ENTREP2: variants seen among roughly 807,000 people sequenced by gnomAD.
The protein encoded by ENTREP2 is endosomal transmembrane epsin interactor 2.
At chr15:29,236,645 T>A in the ENTREP2 span, among the ~76,000 whole-genome samples, 2 of 152,118 alleles carry the variant, frequency 1.3e-5, no homozygotes, top group Non-Finnish European at 2.9e-5. Context: ...CAAGATCCTG[T>A]CTCAAAAATT....
the ENTREP2 span, among the ~76,000 whole-genome samples, chr15:29,599,878 C>G: frequency 6.6e-6 from 1 of 152,364 alleles, no homozygotes; most frequent in East Asian, 1.9e-4. Flanking sequence ...GAGCAGCAGC[C>G]CTGCCCTTTA....
chr15:29,441,535 T>C, the ENTREP2 span, among the ~76,000 whole-genome samples: 2 of 152,200 alleles, frequency 1.3e-5, no homozygotes, highest in Admixed American at 6.5e-5. Flanking sequence ...TCTGCAATTG[T>C]TGAGGGACAG....
the ENTREP2 span, among the ~76,000 whole-genome samples, chr15:29,583,499 G>A: frequency 2.0e-5 from 3 of 152,160 alleles, no homozygotes; most frequent in African/African-American, 4.8e-5. Context: ...GGAGAGCAAT[G>A]AGGGGGAGAG....
the ENTREP2 span, among the ~76,000 whole-genome samples, chr15:29,574,540 C>T: frequency 1.3e-5 from 2 of 152,190 alleles, no homozygotes; most frequent in African/African-American, 4.8e-5. Context: ...GATCCACCCA[C>T]CTTGGCCTCC....
At chr15:29,279,686 C>T in the ENTREP2 span, among the ~76,000 whole-genome samples, 1 of 151,970 alleles carries the variant, frequency 6.6e-6, no homozygotes, top group African/African-American at 2.4e-5. Flanking sequence ...TCACAGGGCT[C>T]GTTTTGAGTC....
chr15:29,320,967 C>T, the ENTREP2 span, among the ~76,000 whole-genome samples: 1 of 152,098 alleles, frequency 6.6e-6, no homozygotes, highest in Non-Finnish European at 1.5e-5. Flanking sequence ...ATAGATGACA[C>T]ATCTAAAGTA....
At chr15:29,433,015 C>T in the ENTREP2 span, among the ~76,000 whole-genome samples, 1 of 152,206 alleles carries the variant, frequency 6.6e-6, no homozygotes, top group Non-Finnish European at 1.5e-5. Flanking sequence ...GTAAAGTTCT[C>T]CATGAGCATA....
chr15:29,518,945 T>C, the ENTREP2 span, among the ~76,000 whole-genome samples: 1 of 152,144 alleles, frequency 6.6e-6, no homozygotes. Context: ...TGTGCACTAC[T>C]GCGACACAAA....
chr15:29,228,570 C>T, the ENTREP2 span, among the ~76,000 whole-genome samples: 1 of 152,170 alleles, frequency 6.6e-6, no homozygotes, highest in African/African-American at 2.4e-5. Flanking sequence ...CACTGAATTG[C>T]ACACTTAACA....
chr15:29,149,019 G>A, the ENTREP2 span, among the ~76,000 whole-genome samples: 2 of 152,066 alleles, frequency 1.3e-5, no homozygotes, highest in Admixed American at 6.5e-5. Flanking sequence ...TGGGATTATC[G>A]GCATGTGCCA....
chr15:29,579,686 ATTTTTTTTT>A, the ENTREP2 span, among the ~76,000 whole-genome samples: 3 of 55,816 alleles, frequency 5.4e-5, no homozygotes, highest in African/African-American at 2.8e-4. Flanking sequence ...CACCCAGCTA[ATTTTTTTTT>A]TTTTTTTTTT....
At chr15:29,212,232 C>A in the ENTREP2 span, among the ~76,000 whole-genome samples, 1 of 152,056 alleles carries the variant, frequency 6.6e-6, no homozygotes, top group African/African-American at 2.4e-5. Flanking sequence ...GGAATTTATC[C>A]GTCTCTTCTA....
chr15:29,331,263 C>A, the ENTREP2 span, among the ~76,000 whole-genome samples: 40 of 152,300 alleles, frequency 2.6e-4, no homozygotes, highest in African/African-American at 9.1e-4. Context: ...GACGTCTGTG[C>A]CGCTGGACAG....
the ENTREP2 span, among the ~76,000 whole-genome samples, chr15:29,516,285 A>T: frequency 1.3e-5 from 2 of 152,154 alleles, no homozygotes; most frequent in East Asian, 3.9e-4. Context: ...TGGTAACTGA[A>T]CCCCTGCCTT....
the ENTREP2 span, among the ~76,000 whole-genome samples, chr15:29,502,147 C>T: frequency 6.6e-6 from 1 of 151,864 alleles, no homozygotes; most frequent in South Asian, 2.1e-4. Context: ...ATGGAAATTC[C>T]TGAAACCCAG....
chr15:29,444,222 G>T, the ENTREP2 span, among the ~76,000 whole-genome samples: 1 of 148,720 alleles, frequency 6.7e-6, no homozygotes, highest in Non-Finnish European at 1.5e-5. Context: ...AAGAAAGAAA[G>T]AAAGAAAGAA....
At chr15:29,436,301 G>A in the ENTREP2 span, among the ~76,000 whole-genome samples, 1 of 152,192 alleles carries the variant, frequency 6.6e-6, no homozygotes, top group Non-Finnish European at 1.5e-5. Flanking sequence ...CCTGCAAAGA[G>A]CCCTGGGTCC....
chr15:29,159,796 G>A, the ENTREP2 span, among the ~76,000 whole-genome samples: 2 of 152,178 alleles, frequency 1.3e-5, no homozygotes, highest in African/African-American at 4.8e-5. Context: ...GTGCCGACTG[G>A]TGTATTTATA....
the ENTREP2 span, among the ~76,000 whole-genome samples, chr15:29,584,575 C>T: frequency 1.3e-5 from 2 of 152,092 alleles, no homozygotes; most frequent in Non-Finnish European, 2.9e-5. Context: ...CAGAGAAGGA[C>T]AAACAGTGTA....
Sources: allele counts gnomAD v4.1 joint callset (sites outside exome capture counted in the v4.1 genomes callset), GRCh38; gene constraint gnomAD v4.1.1; transcripts MANE v1.5; gene names NCBI Gene and HGNC (gene_info 2026-07-23, HGNC 2026-07-21).